The following OSBPL6 variants were observed in gnomAD, a reference collection of about 807,000 sequenced individuals.
OSBPL6 encodes oxysterol-binding protein-related protein 6.
OSBPL6 carries 49 observed loss-of-function variants against 125.8 expected under a neutral mutation model. The observed-to-expected ratio is 0.39, with a 90% confidence interval of 0.31 to 0.49. The LOEUF (loss-of-function observed/expected upper bound fraction) is 0.49. OSBPL6 is among the 20% of genes least tolerant of loss of function. OSBPL6 has a pLI of 0.88. For synonymous variants in OSBPL6, 394 were observed against 391.8 expected (o/e 1.01, Z -0.07); for missense variants, 986 against 1,135.4 (o/e 0.87, Z 1.89).
intron 1 of OSBPL6, among the ~76,000 whole-genome samples, chr2:178,214,087 C>T (rs757492802): frequency 5.3e-5 from 8 of 152,194 alleles, no homozygotes; most frequent in Non-Finnish European, 8.8e-5. Context: ...TCCCTAAGAG[C>T]AGGGACCATG....
chr2:178,265,179 G>C (rs543613145), intron 1 of OSBPL6, among the ~76,000 whole-genome samples: 42 of 120,742 alleles, frequency 3.5e-4, no homozygotes, highest in Non-Finnish European at 5.1e-4. Context: ...ACTTCCCCTG[G>C]CCCAGACGAG....
chr2:178,328,841 A>G (rs368401552), intron 5 of OSBPL6, among the ~76,000 whole-genome samples: 5 of 152,320 alleles, frequency 3.3e-5, no homozygotes, highest in African/African-American at 7.2e-5. Context: ...AGTCTATTAT[A>G]GTTAACAGAG....
At chr2:178,355,291 A>G (rs1691678558) in intron 12 of OSBPL6, among the ~76,000 whole-genome samples, 1 of 152,206 alleles carries the variant, frequency 6.6e-6, no homozygotes, top group Admixed American at 6.5e-5. Flanking sequence ...AAATTAATGA[A>G]TCCAGGAGCT....
intron 1 of OSBPL6, among the ~76,000 whole-genome samples, chr2:178,267,285 C>T (rs1463636465): frequency 3.0e-5 from 4 of 132,956 alleles, no homozygotes. Flanking sequence ...ACCCAGGAGG[C>T]GGAGGTTGCA....
At chr2:178,234,999 A>G (rs1195121801) in intron 1 of OSBPL6, among the ~76,000 whole-genome samples, 1 of 152,206 alleles carries the variant, frequency 6.6e-6, no homozygotes, top group African/African-American at 2.4e-5. Context: ...ATGTTTGGAT[A>G]ACTTCTAAAT....
At chr2:178,229,228 A>G (rs977980300) in intron 1 of OSBPL6, among the ~76,000 whole-genome samples, 1 of 152,300 alleles carries the variant, frequency 6.6e-6, no homozygotes, top group East Asian at 1.9e-4. Flanking sequence ...CCACCTCCCA[A>G]TACTGCCACA....
chr2:178,199,990 T>G, intron 1 of OSBPL6, among the ~76,000 whole-genome samples: 1 of 152,318 alleles, frequency 6.6e-6, no homozygotes, highest in South Asian at 2.1e-4. Context: ...AGAAATATTT[T>G]AAAAAAGTTC....
At chr2:178,304,874 A>G (rs1284033384) in intron 2 of OSBPL6, among the ~76,000 whole-genome samples, 2 of 152,114 alleles carry the variant, frequency 1.3e-5, no homozygotes, top group African/African-American at 2.4e-5. Flanking sequence ...TACTTAGTAA[A>G]CCGCTCATTC....
At chr2:178,240,987 G>A (rs1227278302) in intron 1 of OSBPL6, among the ~76,000 whole-genome samples, 1 of 152,080 alleles carries the variant, frequency 6.6e-6, no homozygotes, top group Non-Finnish European at 1.5e-5. Context: ...ACTAAATAAT[G>A]TGATAACAAT....
intron 12 of OSBPL6, among the ~76,000 whole-genome samples, chr2:178,359,808 C>T (rs573975325): frequency 1.6e-4 from 24 of 152,322 alleles, no homozygotes; most frequent in Admixed American, 1.6e-3. Flanking sequence ...CCAGACTTGG[C>T]CAGGTGCAGT....
At chr2:178,320,547 C>A in intron 3 of OSBPL6, 1 of 812,152 alleles carries the variant, frequency 1.2e-6, no homozygotes, top group Non-Finnish European at 1.9e-6. Context: ...AACTTGCTTA[C>A]ATAATGTGTG....
chr2:178,357,000 A>G (rs1394277430), intron 12 of OSBPL6, among the ~76,000 whole-genome samples: 2 of 152,204 alleles, frequency 1.3e-5, no homozygotes, highest in Non-Finnish European at 2.9e-5. Context: ...AGGATTCCCT[A>G]TTTAATAAAT....
At chr2:178,349,885 G>T (rs1691083342) in intron 12 of OSBPL6, among the ~76,000 whole-genome samples, 1 of 152,206 alleles carries the variant, frequency 6.6e-6, no homozygotes, top group Non-Finnish European at 1.5e-5. Flanking sequence ...GAGCTGGGCT[G>T]AAAGACGCAA....
chr2:178,376,310 G>T (rs1693870131), intron 15 of OSBPL6, among the ~76,000 whole-genome samples: 1 of 151,918 alleles, frequency 6.6e-6, no homozygotes, highest in Non-Finnish European at 1.5e-5. Context: ...CTATCTAAGT[G>T]CCCCCTACCC....
At chr2:178,306,409 C>T (rs1311210970) in intron 3 of OSBPL6, 123 bp downstream of exon 3, 6 of 644,994 alleles carry the variant, frequency 9.3e-6, no homozygotes, top group East Asian at 2.8e-5. Context: ...AGTGAAAAAT[C>T]GTCATTTTCT....
At chr2:178,373,844 T>C (rs1575003364) in intron 14 of OSBPL6, 46 bp from the exon 15 acceptor site, 1 of 1,607,096 alleles carries the variant, frequency 6.2e-7, no homozygotes, top group Non-Finnish European at 8.5e-7. Context: ...ATAGCTATTC[T>C]AACAGGGAGA....
rs199701971 is a variant in OSBPL6 at position 178,332,855 on chromosome 2, T to G, written c.487-16T>G. 5.0e-6 allele frequency: 8 copies of G among 1,609,096 alleles called. No homozygotes were observed. Among genetic ancestry groups the G allele is most frequent in the Non-Finnish European group, 6.8e-6 (8 of 1,176,202 alleles). The stretch of plus-strand genomic sequence containing the variant: ...GTTATTTTACAATTACTTTCTCCTC[T>G]CGTTCATTGTTTTAGGTGAAATCCC... On this transcript the variant is annotated splice_polypyrimidine_tract_variant and intron_variant, in intron 7 of 24. Transcript: ENST00000190611.
At position 178,397,262 on chromosome 2, in the gene OSBPL6, G is replaced by A. The variant is rs1041547162; in HGVS notation, c.*1703G>A. The A allele has an allele frequency of 3.3e-5, 5 of 152,190 alleles. No homozygotes were observed. The highest frequency in any genetic ancestry group is 1.2e-4 in the African/African-American group (5 of 41,446). The allele number at this position is 152,190 out of a possible 1,614,324, so 9.4% of individuals were successfully genotyped here. A position where few individuals can be genotyped will look rare whatever the true frequency, so the allele number is the denominator to read the frequency against. On this transcript the variant is annotated 3_prime_UTR_variant, in exon 25 of 25. Transcript: ENST00000190611. ...CCTTGCATCTGAGTTTTTATGTTAT[G>A]TGTACAGTCTGCATTAGCTTAGAAT...
chr2:178,365,083 G>A (rs1692702141), intron 13 of OSBPL6, among the ~76,000 whole-genome samples: 1 of 152,108 alleles, frequency 6.6e-6, no homozygotes, highest in Non-Finnish European at 1.5e-5. Flanking sequence ...GGTTGAGGCA[G>A]GAGAATCACT....
Sources: allele counts gnomAD v4.1 joint callset (sites outside exome capture counted in the v4.1 genomes callset), GRCh38; gene constraint gnomAD v4.1.1; transcripts MANE v1.5; gene names NCBI Gene and HGNC (gene_info 2026-07-23, HGNC 2026-07-21).